The following EP300 variants were observed in gnomAD, a reference collection of about 807,000 sequenced individuals.
The protein encoded by EP300 is EP300 lysine acetyltransferase.
In EP300, 31 loss-of-function variants were observed where a neutral mutation model predicts 264.0. That is an observed-to-expected ratio of 0.12 (90% confidence interval 0.09 to 0.16). The LOEUF (loss-of-function observed/expected upper bound fraction) is 0.16. EP300 is among the 10% of genes least tolerant of loss of function. The pLI, the probability that EP300 is intolerant of heterozygous loss-of-function variation, is 1.00. For missense variants in EP300, 2,766 were observed against 3,052.9 expected (o/e 0.91, Z 2.21); for synonymous variants, 1,340 against 1,045.4 (o/e 1.28, Z -5.44).
chr22:41,101,006 A>G (rs1312326292), intron 1 of EP300, among the ~76,000 whole-genome samples: 1 of 152,206 alleles, frequency 6.6e-6, no homozygotes, highest in Non-Finnish European at 1.5e-5. Context: ...GCATAATGAG[A>G]AAATGGAAAA....
chr22:41,164,775 G>C (rs1469505951), intron 22 of EP300, among the ~76,000 whole-genome samples: 1 of 152,210 alleles, frequency 6.6e-6, no homozygotes. Flanking sequence ...CTGCTGGCAT[G>C]AATAGGTCTG....
chr22:41,158,623 A>G (rs1601625634), intron 19 of EP300, 123 bp downstream of exon 19: 3 of 786,938 alleles, frequency 3.8e-6, no homozygotes, highest in African/African-American at 3.4e-5. Flanking sequence ...GCTGTATAGC[A>G]CAAGTTCTGT....
Position 41,176,381 on chromosome 22 carries a change from C to T in EP300, c.4914C>T (p.His1638=), listed in dbSNP as rs2145513046. ...TTCTCACGCTGGCAAGGGACAAGCACCTGGAGTTCTCTTCACTCCGAAGAG... is the reference window on the plus strand; with the variant it reads ...TTCTCACGCTGGCAAGGGACAAGCATCTGGAGTTCTCTTCACTCCGAAGAG... ...DAFLTLARDK[H]LEFSSLRRAQ... is the part of the protein sequence containing the mutation. The change falls in exon 30 of 31, where the codon CAC becomes CAT. Residue 1638 remains histidine, a synonymous_variant. Coordinates refer to ENST00000263253, the MANE Select transcript of EP300 (RefSeq NM_001429.4). 3 of 1,614,214 alleles carry T rather than the reference C, an allele frequency of 1.9e-6. No homozygotes were observed. Among genetic ancestry groups the T allele is most frequent in the African/African-American group, 2.7e-5 (2 of 75,062 alleles).
intron 10 of EP300, among the ~76,000 whole-genome samples, chr22:41,145,150 A>G (rs1433361579): frequency 1.3e-5 from 2 of 152,236 alleles, no homozygotes; most frequent in Admixed American, 6.5e-5. Context: ...AGGTGAAAAC[A>G]TTGTTTTGTA....
intron 11 of EP300, 100 bp from the exon 12 acceptor site, chr22:41,147,737 C>CAAA (rs766424236): frequency 2.5e-5 from 19 of 760,870 alleles, no homozygotes; most frequent in Middle Eastern, 2.6e-4. Context: ...GACTCCGTCT[C>CAAA]AAAAAAAAAA....
At chr22:41,098,206 TA>T (rs1460009613) in intron 1 of EP300, among the ~76,000 whole-genome samples, 1 of 152,146 alleles carries the variant, frequency 6.6e-6, no homozygotes, top group African/African-American at 2.4e-5. Flanking sequence ...TTTCGCTTAA[TA>T]GACGGTAGTT....
intron 1 of EP300, among the ~76,000 whole-genome samples, chr22:41,102,208 C>A (rs890699878): frequency 3.3e-5 from 5 of 152,064 alleles, no homozygotes; most frequent in African/African-American, 1.2e-4. Context: ...TACATTGTTC[C>A]TTCTTTCCTT....
intron 1 of EP300, among the ~76,000 whole-genome samples, chr22:41,100,148 C>T (rs2058723290): frequency 6.6e-6 from 1 of 152,146 alleles, no homozygotes; most frequent in Admixed American, 6.6e-5. Flanking sequence ...GTGTGAGGAT[C>T]TCTTGAGCCC....
At chr22:41,159,995 T>C (rs1415221076) in intron 19 of EP300, 1 of 138,504 alleles carries the variant, frequency 7.2e-6, no homozygotes, top group African/African-American at 2.6e-5. Flanking sequence ...AGATTATTGT[T>C]TTCTGCAGTT....
intron 1 of EP300, among the ~76,000 whole-genome samples, chr22:41,101,403 C>T (rs972460141): frequency 2.0e-5 from 3 of 150,128 alleles, no homozygotes; most frequent in Admixed American, 2.0e-4. Context: ...TTTTCATTTT[C>T]TTACATGGAT....
At chr22:41,103,392 C>A (rs1453788551) in intron 1 of EP300, among the ~76,000 whole-genome samples, 1 of 152,172 alleles carries the variant, frequency 6.6e-6, no homozygotes, top group Non-Finnish European at 1.5e-5. Flanking sequence ...CTTCTGCTGT[C>A]AGAGACTTCA....
chr22:41,152,080 T>C, intron 15 of EP300, 68 bp downstream of exon 15: 1 of 1,601,574 alleles, frequency 6.2e-7, no homozygotes, highest in South Asian at 1.1e-5. Context: ...TTTTAAAAAA[T>C]ATTGCAGAAA....
chr22:41,109,576 G>C (rs994831220), intron 1 of EP300, among the ~76,000 whole-genome samples: 1 of 152,190 alleles, frequency 6.6e-6, no homozygotes, highest in African/African-American at 2.4e-5. Flanking sequence ...ATAACAATAG[G>C]TAACATGTTT....
At chr22:41,135,588 C>A (rs1415223381) in intron 6 of EP300, among the ~76,000 whole-genome samples, 1 of 151,122 alleles carries the variant, frequency 6.6e-6, no homozygotes, top group Non-Finnish European at 1.5e-5. Flanking sequence ...AGTTATGTTT[C>A]GTTTTCTATG....
rs1425051947 is a variant in EP300, at chr22:41,092,979, C to T, written c.-26C>T. On this transcript the variant is annotated 5_prime_UTR_variant, in exon 1 of 31. Coordinates refer to ENST00000263253, the MANE Select transcript of EP300 (RefSeq NM_001429.4). ...ATTTCCTGAGGATTCTGGTTTTCCT[C>T]GCTTGTATCTCCGAAAGAATTAAAA... 4 of 1,613,174 alleles carry T rather than the reference C, an allele frequency of 2.5e-6. No individual in the cohort carries two copies. The highest frequency in any genetic ancestry group is 1.7e-5 in the Admixed American group (1 of 60,032).
chr22:41,135,736 TTTC>T (rs1339922272), intron 6 of EP300, 74 bp from the exon 7 acceptor site: 29 of 1,152,136 alleles, frequency 2.5e-5, no homozygotes, highest in Non-Finnish European at 3.5e-5. Flanking sequence ...TTGTCATTTG[TTTC>T]TTAACTTTAT....
chr22:41,176,225 AAAG>A lies in EP300; in HGVS notation c.4780-20_4780-18del, dbSNP rs755333073. ...ACAGAGCGAGGCCCTGTCTCAAAAA[AAAG>A]AGACTGTCTGTTTTTCAGGTCTTCT... On this transcript the variant is annotated intron_variant, in intron 29 of 30. Coordinates refer to ENST00000263253, the MANE Select transcript of EP300 (RefSeq NM_001429.4). 4 of 1,614,094 alleles carry A rather than the reference AAAG, an allele frequency of 2.5e-6. No individual in the cohort carries two copies. Among genetic ancestry groups the A allele is most frequent in the South Asian group, 2.2e-5 (2 of 91,092 alleles).
intron 1 of EP300, among the ~76,000 whole-genome samples, chr22:41,106,068 TATG>T (rs1418536315): frequency 1.3e-5 from 2 of 152,230 alleles, no homozygotes; most frequent in African/African-American, 4.8e-5. Flanking sequence ...GGGTTGTTTA[TATG>T]ATTAGATAAT....
chr22:41,174,624 G>C (rs1320986500), intron 29 of EP300: 2 of 151,840 alleles, frequency 1.3e-5, no homozygotes, highest in African/African-American at 4.8e-5. Flanking sequence ...GATAACGAAA[G>C]CCAGGAGAAT....
Sources: allele counts gnomAD v4.1 joint callset (sites outside exome capture counted in the v4.1 genomes callset), GRCh38; gene constraint gnomAD v4.1.1; transcripts MANE v1.5; gene names NCBI Gene and HGNC (gene_info 2026-07-23, HGNC 2026-07-21).